The following CARMIL2 variants were observed in gnomAD, a reference collection of about 807,000 sequenced individuals.
The protein encoded by CARMIL2 is capping protein regulator and myosin 1 linker 2, also known as capping protein, Arp2/3 and myosin-I linker protein 2.
Under a neutral mutation model 173.3 loss-of-function variants are expected in CARMIL2, and 96 were observed. The observed-to-expected ratio is 0.55, with a 90% CI of 0.47 to 0.66. CARMIL2 has a LOEUF of 0.66. CARMIL2 is among the 30% of genes least tolerant of loss of function. The probability of loss-of-function intolerance (pLI) is 0.00; values close to 1 mark genes in which losing one functional copy is unlikely to be tolerated. For missense variants in CARMIL2, 1,771 were observed against 1,906.7 expected, an observed-to-expected ratio of 0.93 and a Z score of 1.33; for synonymous variants, 830 against 817.1, an observed-to-expected ratio of 1.02 and a Z score of -0.27.
rs1195734548 is a variant in CARMIL2 at position 67,648,668 on chromosome 16, G to A, written c.1440-17G>A. 1.3e-6 allele frequency: 2 copies of A among 1,598,138 alleles called. No homozygotes were observed. Among genetic ancestry groups the A allele is most frequent in the Middle Eastern group, 1.7e-4 (1 of 6,040 alleles). On this transcript the variant is annotated splice_polypyrimidine_tract_variant and intron_variant, in intron 15 of 37. Transcript: ENST00000334583. This position sits in a 1 kb window ranked among gnomAD's most constrained non-coding sequence, Gnocchi z 6.1. ...CCTGTCCCAGCTCCCGCCACCCCGT[G>A]TAACGTCCTCTCCCAGAGCCCTTTT...
At chr16:67,647,088 T>C in intron 8 of CARMIL2, 28 bp from the exon 9 acceptor site, 1 of 1,612,854 alleles carries the variant, frequency 6.2e-7, no homozygotes, top group South Asian at 1.1e-5. Flanking sequence ...GGCCCTGAGC[T>C]CTGCCTCTGT....
In CARMIL2 at chr16:67,649,914, C is replaced by A. The variant is rs765429939; in HGVS notation, c.2028C>A (p.Asp676Glu). The A allele has an allele frequency of 6.2e-7, 1 of 1,613,208 alleles. No homozygotes were observed. Among genetic ancestry groups the A allele is most frequent in the Admixed American group, 1.7e-5 (1 of 60,020 alleles). ...AGGCCATGCCTCTGCCACTGAACGA[C>A]GTGGCCCAGGCGCAGCGCAGCCGCC... is the stretch of plus-strand genomic sequence containing the variant. Reference protein sequence around the residue: ...SLKAMPLPLNDVAQAQRSRPE... With the variant: ...SLKAMPLPLNEVAQAQRSRPE... The change falls in exon 21 of 38, where the codon GAC becomes GAA. Residue 676 changes from aspartate (D) to glutamate (E), a missense_variant. Asp to Glu is a conservative substitution (Grantham distance 45, BLOSUM62 2). This residue lies in a region of CARMIL2 where 944 missense variants were observed against 975.6 expected (regional missense o/e 0.97). Coordinates refer to ENST00000334583, the MANE Select transcript of CARMIL2 (RefSeq NM_001013838.3). The surrounding 1 kb of genome is among the most constrained non-coding windows in gnomAD (Gnocchi z 6.7).
rs1567635650 is a variant in CARMIL2, at chr16:67,654,552, C to T, written c.3442C>T (p.Leu1148Phe). The change falls in exon 31 of 38, where the codon CTT becomes TTT. Residue 1148 changes from leucine to phenylalanine, a missense_variant. This residue lies in a region of CARMIL2 where 817 missense variants were observed against 903.5 expected (regional missense o/e 0.90). Coordinates refer to ENST00000334583, the MANE Select transcript of CARMIL2 (RefSeq NM_001013838.3). Reference protein sequence around the residue: ...PPTRPSRGEELGGAEGDTSSP... With the variant: ...PPTRPSRGEEFGGAEGDTSSP... The stretch of plus-strand genomic sequence containing the variant: ...AACCCGTCCCAGCCGTGGTGAGGAG[C>T]TTGGTGGGGCTGAGGGGGACACCAG... 6.2e-7 allele frequency: 1 copy of T among 1,611,916 alleles called. No homozygotes were observed. Among genetic ancestry groups the T allele is most frequent in the East Asian group, 2.2e-5 (1 of 44,842 alleles).
chr16:67,649,041 A>G lies in CARMIL2; in HGVS notation c.1592-35A>G, dbSNP rs1357968914. On this transcript the variant is annotated intron_variant, in intron 17 of 37. Transcript: ENST00000334583. The surrounding 1 kb of genome is among the most constrained non-coding windows in gnomAD (Gnocchi z 6.7). ...TTCCCAATCCCCACCCTACCCTTGC[A>G]ACTTCGCCTCGTGCGTGACCCGAGT... The G allele has an allele frequency of 5.6e-6, 9 of 1,606,112 alleles. No homozygotes were observed. Among genetic ancestry groups the G allele is most frequent in the African/African-American group, 1.3e-5 (1 of 74,754 alleles).
intron 32 of CARMIL2, 54 bp from the exon 33 acceptor site, chr16:67,655,977 G>A (rs375461329): frequency 1.3e-6 from 2 of 1,551,658 alleles, no homozygotes; most frequent in African/African-American, 2.7e-5. Context: ...CGAACAAAAG[G>A]CTAGGGTGTG....
chr16:67,647,662 C>A lies in CARMIL2; in HGVS notation c.872-18C>A. On this transcript the variant is annotated intron_variant, in intron 11 of 37. Coordinates refer to ENST00000334583, the MANE Select transcript of CARMIL2 (RefSeq NM_001013838.3). ...GCAGGAGGAGGTGAGACCCACGTGG[C>A]TGTTCCCACCCCCCAAGGCATGACT... is the stretch of plus-strand genomic sequence containing the variant. 6.3e-7 allele frequency: 1 copy of A among 1,599,704 alleles called. No individual in the cohort carries two copies. Among genetic ancestry groups the A allele is most frequent in the Non-Finnish European group, 8.5e-7 (1 of 1,173,990 alleles).
In CARMIL2 at chr16:67,650,232, T is replaced by A. The variant is rs2052699186; in HGVS notation, c.2184+82T>A. The A allele has an allele frequency of 2.1e-5, 25 of 1,198,748 alleles. No homozygotes were observed. The South Asian group carries it at 2.2e-4, about 11-fold the overall frequency. The allele number at this position is 1,198,748 out of a possible 1,614,324, so 74.3% of individuals were successfully genotyped here. A position where few individuals can be genotyped will look rare whatever the true frequency, so the allele number is the denominator to read the frequency against. ...GGGAGCCTCCATGAGTCAGAGGGTC[T>A]GACTTTCCTGGGGCCAGGGTGCCTG... On this transcript the variant is annotated intron_variant, in intron 22 of 37. Transcript: ENST00000334583.
In CARMIL2 at chr16:67,648,828, G is replaced by A. The variant is rs2052655297; in HGVS notation, c.1510-65G>A. 6.4e-7 allele frequency: 1 copy of A among 1,564,432 alleles called. No individual in the cohort carries two copies. Among genetic ancestry groups the A allele is most frequent in the South Asian group, 1.2e-5 (1 of 85,648 alleles). On this transcript the variant is annotated intron_variant, in intron 16 of 37. Coordinates refer to ENST00000334583, the MANE Select transcript of CARMIL2 (RefSeq NM_001013838.3). This position sits in a 1 kb window ranked among gnomAD's most constrained non-coding sequence, Gnocchi z 6.1. ...AGGCGGAAGGGCAGGGCCGTGGGCC[G>A]CCTGCCCCTCCCCACTCGCGGCCTA... is the stretch of plus-strand genomic sequence containing the variant.
In CARMIL2 at chr16:67,647,675, C is replaced by A. The variant is rs564549930; in HGVS notation, c.872-5C>A. ...AGACCCACGTGGCTGTTCCCACCCC[C>A]CAAGGCATGACTGCACTCAGCAGAC... is the stretch of plus-strand genomic sequence containing the variant. On this transcript the variant is annotated splice_region_variant and splice_polypyrimidine_tract_variant and intron_variant, in intron 11 of 37. Coordinates refer to ENST00000334583, the MANE Select transcript of CARMIL2 (RefSeq NM_001013838.3). 2 of 1,600,316 alleles carry A rather than the reference C, an allele frequency of 1.2e-6. No homozygotes were observed. Among genetic ancestry groups the A allele is most frequent in the Admixed American group, 1.7e-5 (1 of 57,980 alleles).
At position 67,647,116 on chromosome 16, in the gene CARMIL2, G is replaced by T. The variant is rs764323649; in HGVS notation, c.612G>T (p.Arg204=). The change falls in exon 9 of 38, where the codon CGG becomes CGT. Residue 204 remains arginine (R), a splice_region_variant and synonymous_variant. Coordinates refer to ENST00000334583, the MANE Select transcript of CARMIL2 (RefSeq NM_001013838.3). ...GCCTCTGTTCCCACCCTCCCACCAG[G>T]GACCTGGCCTTGAGTGTGGCTGCCC... The part of the protein sequence containing the change: ...SLGDFSHLGS[R]DLALSVAALS... 1.2e-6 allele frequency: 2 copies of T among 1,613,708 alleles called. No individual in the cohort carries two copies. Among genetic ancestry groups the T allele is most frequent in the Non-Finnish European group, 8.5e-7 (1 of 1,179,840 alleles).
rs764091613 is a variant in CARMIL2, at chr16:67,645,291, G to A, written c.40+5G>A. The A allele has an allele frequency of 3.1e-6, 5 of 1,603,586 alleles. No homozygotes were observed. In the African/African-American group the frequency reaches 4.0e-5, roughly 13 times the overall value. On this transcript the variant is annotated splice_donor_5th_base_variant and intron_variant, in intron 1 of 37. Transcript: ENST00000334583. Reference sequence around the variant, plus strand: ...GCATCTCCTGTGAGCTCCGAGGTAAGCGCTGGCCCTTCCTGCCTTCTTGGC... The same window carrying A: ...GCATCTCCTGTGAGCTCCGAGGTAAACGCTGGCCCTTCCTGCCTTCTTGGC...
chr16:67,656,761 G>A, intron 35 of CARMIL2, 40 bp from the exon 36 acceptor site: 1 of 1,548,542 alleles, frequency 6.5e-7, no homozygotes, highest in Admixed American at 2.0e-5. Context: ...TGGAGTGGGG[G>A]CAGCTGTTGG....
Position 67,647,940 on chromosome 16 carries a change from G to A in CARMIL2, c.1053G>A (p.Gly351=), listed in dbSNP as rs779381027. 9.3e-6 allele frequency: 15 copies of A among 1,609,006 alleles called. No individual in the cohort carries two copies. Among genetic ancestry groups the A allele is most frequent in the Middle Eastern group, 1.7e-4 (1 of 6,044 alleles). ...TTTCTGGGAATCCTGGGGCGCTGGG[G>A]GCCTCCGAGGACAGTGGGGTGAGTG... The part of the protein sequence containing the change: ...LDLSGNPGAL[G]ASEDSGGLYS... Residue 351 remains glycine, a synonymous_variant, in exon 13 of 38, where the codon GGG becomes GGA. Coordinates refer to ENST00000334583, the MANE Select transcript of CARMIL2 (RefSeq NM_001013838.3).
chr16:67,651,348 T>C lies in CARMIL2; in HGVS notation c.2313+33T>C, dbSNP rs1331601178. The C allele has an allele frequency of 6.2e-7, 1 of 1,609,552 alleles. No homozygotes were observed. Among genetic ancestry groups the C allele is most frequent in the Non-Finnish European group, 8.5e-7 (1 of 1,176,792 alleles). ...CTCCCCCTCCTGCTACAAGGACCCTTCCCCTCTTAGTCAGGTGTCAGCTCG... is the reference window on the plus strand; with the variant it reads ...CTCCCCCTCCTGCTACAAGGACCCTCCCCCTCTTAGTCAGGTGTCAGCTCG... On this transcript the variant is annotated intron_variant, in intron 23 of 37. Coordinates refer to ENST00000334583, the MANE Select transcript of CARMIL2 (RefSeq NM_001013838.3). This position sits in a 1 kb window ranked among gnomAD's most constrained non-coding sequence, Gnocchi z 4.2.
At position 67,652,460 on chromosome 16, in the gene CARMIL2, C is replaced by G. The variant is rs2052744569; in HGVS notation, c.2818-12C>G. ...CTCCTACCCCAGGCTGAGTTTGTGC[C>G]CTCCCCACCAGGATGACAGTCCTCC... is the stretch of plus-strand genomic sequence containing the variant. On this transcript the variant is annotated splice_polypyrimidine_tract_variant and intron_variant, in intron 27 of 37. Coordinates refer to ENST00000334583, the MANE Select transcript of CARMIL2 (RefSeq NM_001013838.3). This position sits in a 1 kb window ranked among gnomAD's most constrained non-coding sequence, Gnocchi z 4.7. The G allele has an allele frequency of 6.2e-7, 1 of 1,613,224 alleles. No individual in the cohort carries two copies. Among genetic ancestry groups the G allele is most frequent in the African/African-American group, 1.3e-5 (1 of 74,886 alleles).
rs929221548 is a variant in CARMIL2 at position 67,654,086 on chromosome 16, G to T, written c.3121-63G>T. The T allele has an allele frequency of 2.8e-4, 305 of 1,087,960 alleles. 2 individuals carry two copies. The highest frequency in any genetic ancestry group is 4.3e-4 in the South Asian group (27 of 63,190). 67.4% of individuals were successfully genotyped at this position (1,087,960 alleles called of 1,614,324 possible). On this transcript the variant is annotated intron_variant, in intron 29 of 37. Transcript: ENST00000334583. ...TTCAGTCCAGGCTGCCGGCCGGGGG[G>T]GGGGGGGGGTAGAAGCCAGAGTTGC...
In CARMIL2 at chr16:67,648,518, C is replaced by T. The variant is rs541245872; in HGVS notation, c.1439+16C>T. The T allele has an allele frequency of 2.1e-5, 30 of 1,463,374 alleles. No homozygotes were observed. The East Asian group carries it at 7.5e-4, about 37-fold the overall frequency. The allele number at this position is 1,463,374 out of a possible 1,614,324, so 90.6% of individuals were successfully genotyped here. A position where few individuals can be genotyped will look rare whatever the true frequency, so the allele number is the denominator to read the frequency against. On this transcript the variant is annotated intron_variant, in intron 15 of 37. Transcript: ENST00000334583. The surrounding 1 kb of genome is among the most constrained non-coding windows in gnomAD (Gnocchi z 6.1). ...ACGCGCTCAGGTCAGTGTCGGACCC[C>T]GGCCACGCCCCCGCGGGCGCTCCCA...
Position 67,646,006 on chromosome 16 carries a change from G to A in CARMIL2, c.187-12G>A. 1 of 1,613,752 alleles carries A rather than the reference G, an allele frequency of 6.2e-7. No individual in the cohort carries two copies. The highest frequency in any genetic ancestry group is 1.1e-5 in the South Asian group (1 of 91,088). ...TGGGGGCTTGGTCCCAGCTGATCTA[G>A]GCCCTTTCTAGGTGGACTGCACGTT... On this transcript the variant is annotated splice_polypyrimidine_tract_variant and intron_variant, in intron 3 of 37. Transcript: ENST00000334583. The surrounding 1 kb of genome is among the most constrained non-coding windows in gnomAD (Gnocchi z 4.6).
rs867155152 is a variant in CARMIL2, at chr16:67,657,278, G to A, written c.4157G>A (p.Arg1386His). The change falls in exon 37 of 38, where the codon CGC becomes CAC. Residue 1386 changes from arginine to histidine, a missense_variant. Transcript: ENST00000334583. This position sits in a 1 kb window ranked among gnomAD's most constrained non-coding sequence, Gnocchi z 4.5. ...CTGCAGCGCTCCCCCGTCCTCAAACGCAGGCCAAAACTCGAGGCACCTCCA... is the reference window on the plus strand; with the variant it reads ...CTGCAGCGCTCCCCCGTCCTCAAACACAGGCCAAAACTCGAGGCACCTCCA... Reference protein sequence around the residue: ...LRLQRSPVLKRRPKLEAPPSP... With the variant: ...LRLQRSPVLKHRPKLEAPPSP... The A allele has an allele frequency of 8.7e-6, 14 of 1,613,616 alleles. No homozygotes were observed. The African/African-American group carries it at 1.1e-4, about 12-fold the overall frequency.
Sources: gnomAD v4.1 joint callset for allele counts on GRCh38, gnomAD v4.1.1 for gene constraint, gnomAD v4.1.1 regional missense constraint, Gnocchi (gnomAD v3.1) non-coding constraint, MANE v1.5 for transcripts, NCBI Gene and HGNC (gene_info 2026-07-23, HGNC 2026-07-21) for gene names.